The following ARHGAP12 variants were observed in gnomAD, a reference collection of about 807,000 sequenced individuals.
ARHGAP12 encodes the protein Rho GTPase activating protein 12.
ARHGAP12 carries 64 observed loss-of-function variants against 108.6 expected under a neutral mutation model. The observed-to-expected ratio is 0.59, with a 90% CI of 0.48 to 0.73. ARHGAP12 has a LOEUF of 0.73. ARHGAP12 is among the 30% of genes least tolerant of loss of function. ARHGAP12 has a pLI of 0.00. For missense variants in ARHGAP12, 940 were observed against 1,005.9 expected, an observed-to-expected ratio of 0.93 and a Z score of 0.89; for synonymous variants, 312 against 337.2, an observed-to-expected ratio of 0.93 and a Z score of 0.82.
chr10:31,928,366 C>T (rs1359751688), intron 1 of ARHGAP12, among the ~76,000 whole-genome samples: 3 of 151,778 alleles, frequency 2.0e-5, no homozygotes, highest in African/African-American at 7.3e-5. Context: ...TGCCCTCACA[C>T]AGGAAGTCAG....
At chr10:31,904,761 G>C (rs987837097) in intron 3 of ARHGAP12, among the ~76,000 whole-genome samples, 4 of 152,002 alleles carry the variant, frequency 2.6e-5, no homozygotes, top group Non-Finnish European at 5.9e-5. Context: ...CAAGTAGCTG[G>C]GACTACAGGC....
At chr10:31,868,816 C>A (rs964115922) in intron 3 of ARHGAP12, among the ~76,000 whole-genome samples, 1 of 151,514 alleles carries the variant, frequency 6.6e-6, no homozygotes, top group Non-Finnish European at 1.5e-5. Context: ...GTGGTCCCTG[C>A]TACTTGGAAG....
At chr10:31,894,376 A>C (rs1353471502) in intron 3 of ARHGAP12, among the ~76,000 whole-genome samples, 2 of 152,138 alleles carry the variant, frequency 1.3e-5, no homozygotes, top group African/African-American at 2.4e-5. Context: ...AATCTCCTTA[A>C]GCTGATAAGC....
chr10:31,864,701 C>T (rs1032100561), intron 3 of ARHGAP12, among the ~76,000 whole-genome samples: 4 of 152,182 alleles, frequency 2.6e-5, no homozygotes, highest in South Asian at 2.1e-4. Flanking sequence ...AAAACATCCA[C>T]GCTTCTAGTT....
chr10:31,907,727 A>G (rs1435537006), intron 3 of ARHGAP12, among the ~76,000 whole-genome samples: 2 of 152,186 alleles, frequency 1.3e-5, no homozygotes, highest in African/African-American at 4.8e-5. Flanking sequence ...CACTTAAGAC[A>G]AAAGTTAGCA....
At chr10:31,920,730 G>C (rs188024489) in intron 1 of ARHGAP12, among the ~76,000 whole-genome samples, 15 of 152,238 alleles carry the variant, frequency 9.9e-5, no homozygotes, top group Admixed American at 6.5e-4. Flanking sequence ...CCAGAAACTA[G>C]AGTATTTACA....
chr10:31,831,494 T>C (rs979186404), intron 10 of ARHGAP12, among the ~76,000 whole-genome samples: 1 of 151,748 alleles, frequency 6.6e-6, no homozygotes, highest in Non-Finnish European at 1.5e-5. Context: ...AAAAAAAATA[T>C]TAAAGCAAAT....
intron 1 of ARHGAP12, among the ~76,000 whole-genome samples, chr10:31,917,477 C>A (rs1261298779): frequency 6.6e-6 from 1 of 152,194 alleles, no homozygotes; most frequent in Non-Finnish European, 1.5e-5. Flanking sequence ...GATCTCCTAA[C>A]AACTTATTCT....
intron 9 of ARHGAP12, among the ~76,000 whole-genome samples, chr10:31,832,971 A>T (rs779365018): frequency 3.3e-5 from 5 of 152,162 alleles, no homozygotes; most frequent in Non-Finnish European, 5.9e-5. Flanking sequence ...CTCCTTAGAT[A>T]CGCAAGTTTG....
intron 3 of ARHGAP12, among the ~76,000 whole-genome samples, chr10:31,868,131 G>A (rs1385107562): frequency 6.6e-6 from 1 of 151,864 alleles, no homozygotes; most frequent in Non-Finnish European, 1.5e-5. Context: ...CCTGGGGGCG[G>A]AGGATGCAAT....
chr10:31,895,681 C>T (rs1200480417), intron 3 of ARHGAP12, among the ~76,000 whole-genome samples: 2 of 152,254 alleles, frequency 1.3e-5, no homozygotes, highest in East Asian at 1.9e-4. Context: ...GGCAGTGTGG[C>T]GATTCCTCAA....
chr10:31,918,641 G>A (rs1431041305), intron 1 of ARHGAP12, among the ~76,000 whole-genome samples: 1 of 152,210 alleles, frequency 6.6e-6, no homozygotes, highest in Admixed American at 6.5e-5. Flanking sequence ...TGGAAGTTGA[G>A]GCTGCAGTGG....
At chr10:31,816,588 C>T (rs1395200525) in intron 13 of ARHGAP12, among the ~76,000 whole-genome samples, 1 of 152,126 alleles carries the variant, frequency 6.6e-6, no homozygotes, top group African/African-American at 2.4e-5. Flanking sequence ...GCTGAAAGTC[C>T]ATATTGGGTA....
chr10:31,910,993 T>A (rs1316965021), intron 1 of ARHGAP12, among the ~76,000 whole-genome samples: 1 of 152,028 alleles, frequency 6.6e-6, no homozygotes, highest in East Asian at 1.9e-4. Flanking sequence ...ATTTGTCCCC[T>A]GATTACTTCC....
At chr10:31,830,294 T>C (rs1231209368) in intron 10 of ARHGAP12, among the ~76,000 whole-genome samples, 1 of 152,066 alleles carries the variant, frequency 6.6e-6, no homozygotes, top group Non-Finnish European at 1.5e-5. Flanking sequence ...AAGATTTTGC[T>C]CAACTCAATG....
intron 3 of ARHGAP12, among the ~76,000 whole-genome samples, chr10:31,892,122 G>C (rs960191875): frequency 2.6e-5 from 4 of 152,130 alleles, no homozygotes; most frequent in Non-Finnish European, 5.9e-5. Flanking sequence ...ACTAAACATG[G>C]AAAGGAACAA....
At chr10:31,811,559 T>A (rs1284514955) in intron 15 of ARHGAP12, among the ~76,000 whole-genome samples, 4 of 144,090 alleles carry the variant, frequency 2.8e-5, no homozygotes, top group Admixed American at 2.8e-4. Flanking sequence ...TTTTTTTTTT[T>A]AAGTTTTTAA....
At chr10:31,894,866 A>C (rs1172577744) in intron 3 of ARHGAP12, among the ~76,000 whole-genome samples, 1 of 152,228 alleles carries the variant, frequency 6.6e-6, no homozygotes, top group East Asian at 1.9e-4. Context: ...AGGCTACAGT[A>C]ACCAAAACAG....
intron 7 of ARHGAP12, among the ~76,000 whole-genome samples, chr10:31,840,272 G>A (rs1358434872): frequency 6.6e-6 from 1 of 150,560 alleles, no homozygotes; most frequent in African/African-American, 2.4e-5. Flanking sequence ...AGAAACCTAC[G>A]ATTTAAATAT....
Sources: allele counts gnomAD v4.1 joint callset (sites outside exome capture counted in the v4.1 genomes callset), GRCh38; gene constraint gnomAD v4.1.1; transcripts MANE v1.5; gene names NCBI Gene and HGNC (gene_info 2026-07-23, HGNC 2026-07-21).